ZNF804B: variants seen among roughly 807,000 people sequenced by gnomAD.
The protein encoded by ZNF804B is zinc finger protein 804B.
A neutral mutation model predicts 101.4 loss-of-function variants in ZNF804B; 80 were observed. The ratio of observed to expected loss-of-function variants is 0.79; its 90% CI spans 0.66 to 0.95. The LOEUF is 0.95. Among genes scored for constraint, ZNF804B ranks in the 40% least tolerant of loss-of-function variants. The pLI is 0.00. For missense variants in ZNF804B, 1,673 were observed against 1,561.9 expected (o/e 1.07, Z -1.20); for synonymous variants, 622 against 558.8 (o/e 1.11, Z -1.59).
intron 2 of ZNF804B, among the ~76,000 whole-genome samples, chr7:89,292,147 A>G (rs1053398086): frequency 7.0e-6 from 1 of 142,464 alleles, no homozygotes; most frequent in Non-Finnish European, 1.6e-5. Flanking sequence ...AAGAAATAAT[A>G]AAGGAACTTT....
chr7:88,970,318 C>T (rs1793513391), intron 1 of ZNF804B, among the ~76,000 whole-genome samples: 1 of 149,632 alleles, frequency 6.7e-6, no homozygotes, highest in South Asian at 2.1e-4. Flanking sequence ...ATTAAAGCCC[C>T]ACATGCATTA....
At chr7:88,934,057 G>C (rs1005184809) in intron 1 of ZNF804B, among the ~76,000 whole-genome samples, 7 of 151,910 alleles carry the variant, frequency 4.6e-5, no homozygotes, top group Non-Finnish European at 1.0e-4. Flanking sequence ...CATGGTACTG[G>C]TATAAAAATA....
chr7:88,929,188 T>G (rs982785601), intron 1 of ZNF804B, among the ~76,000 whole-genome samples: 8 of 151,874 alleles, frequency 5.3e-5, no homozygotes, highest in Non-Finnish European at 8.8e-5. Flanking sequence ...CAATAGAAAT[T>G]TAACTCCCAA....
intron 1 of ZNF804B, among the ~76,000 whole-genome samples, chr7:88,855,189 A>G (rs1791535729): frequency 6.6e-6 from 1 of 152,018 alleles, no homozygotes. Context: ...ACTGACTTCC[A>G]CAATGGTTGA....
At chr7:89,196,352 A>G (rs1451141649) in intron 1 of ZNF804B, among the ~76,000 whole-genome samples, 2 of 152,168 alleles carry the variant, frequency 1.3e-5, no homozygotes, top group East Asian at 3.8e-4. Flanking sequence ...GATCTTTGAC[A>G]AACCTGACAG....
At chr7:88,914,870 G>A (rs1303763382) in intron 1 of ZNF804B, among the ~76,000 whole-genome samples, 2 of 152,122 alleles carry the variant, frequency 1.3e-5, no homozygotes, top group African/African-American at 4.8e-5. Flanking sequence ...TGAATCTAAA[G>A]ATTTAGTAGA....
rs1244061035 is a variant in ZNF804B, at chr7:88,973,259, G to A, written c.108+213175G>A. 2.0e-5 allele frequency among the ~76,000 whole-genome samples: 3 copies of A among 150,784 alleles called. No individual in the cohort carries two copies. The Admixed American group carries it at 2.0e-4, about 10-fold the overall frequency. The stretch of plus-strand genomic sequence containing the variant: ...AAGTGATATAAAGCTATTGTCTCTG[G>A]GGAGAAAACTTGTATCCCTGTGAAT... On this transcript the variant is annotated intron_variant, in intron 1 of 3. Transcript: ENST00000333190.
At position 89,069,663 on chromosome 7, in the gene ZNF804B, G is replaced by A. The variant is rs1789505601; in HGVS notation, c.109-148492G>A. ...TCCATTTTATGATTGCATTATGTTTGGAACTGTATACAGTATGGTCTATAT... is the reference window on the plus strand; with the variant it reads ...TCCATTTTATGATTGCATTATGTTTAGAACTGTATACAGTATGGTCTATAT... On this transcript the variant is annotated intron_variant, in intron 1 of 3. Transcript: ENST00000333190. Among the ~76,000 whole-genome samples, 3 of 151,852 alleles carry A rather than the reference G, an allele frequency of 2.0e-5. No homozygotes were observed. The South Asian group carries it at 6.2e-4, about 32-fold the overall frequency.
At chr7:89,110,163 G>C (rs1041367167) in intron 1 of ZNF804B, among the ~76,000 whole-genome samples, 1 of 152,134 alleles carries the variant, frequency 6.6e-6, no homozygotes, top group Admixed American at 6.6e-5. Context: ...CTAGGTAAAG[G>C]TGAGTCACCA....
At chr7:88,913,302 C>G (rs914841868) in intron 1 of ZNF804B, among the ~76,000 whole-genome samples, 1 of 152,096 alleles carries the variant, frequency 6.6e-6, no homozygotes, top group Non-Finnish European at 1.5e-5. Context: ...ATTTAGGAAA[C>G]CTTATTACTT....
At chr7:89,198,368 A>G (rs1788585314) in intron 1 of ZNF804B, among the ~76,000 whole-genome samples, 2 of 152,096 alleles carry the variant, frequency 1.3e-5, no homozygotes, top group African/African-American at 4.8e-5. Flanking sequence ...AGTAATTTCT[A>G]ATCACCTTGC....
intron 1 of ZNF804B, among the ~76,000 whole-genome samples, chr7:89,052,546 AG>A (rs1789223174): frequency 6.6e-6 from 1 of 152,136 alleles, no homozygotes; most frequent in African/African-American, 2.4e-5. Flanking sequence ...TACACATCAA[AG>A]AAGCATTTAT....
At chr7:88,833,322 A>G (rs866141577) in intron 1 of ZNF804B, among the ~76,000 whole-genome samples, 1 of 151,950 alleles carries the variant, frequency 6.6e-6, no homozygotes. Flanking sequence ...TGAGAATTTG[A>G]GGAAATTACT....
At chr7:89,291,153 A>T (rs1001812575) in intron 2 of ZNF804B, among the ~76,000 whole-genome samples, 11 of 152,142 alleles carry the variant, frequency 7.2e-5, no homozygotes, top group African/African-American at 2.4e-4. Flanking sequence ...AAATCTTCCC[A>T]AGAAGGGCAG....
intron 1 of ZNF804B, among the ~76,000 whole-genome samples, chr7:88,841,581 C>T (rs1791292873): frequency 6.6e-6 from 1 of 152,136 alleles, no homozygotes; most frequent in Admixed American, 6.6e-5. Flanking sequence ...TGGCTGATTT[C>T]AGTTTGTGTC....
At chr7:88,991,679 TA>T (rs1417734771) in intron 1 of ZNF804B, among the ~76,000 whole-genome samples, 1 of 152,172 alleles carries the variant, frequency 6.6e-6, no homozygotes, top group East Asian at 1.9e-4. Flanking sequence ...AATAGAGCAG[TA>T]ACACTGCCAC....
intron 1 of ZNF804B, among the ~76,000 whole-genome samples, chr7:89,122,833 T>A (rs571551354): frequency 6.6e-6 from 1 of 152,316 alleles, no homozygotes; most frequent in Non-Finnish European, 1.5e-5. Flanking sequence ...CCTTGGTTTA[T>A]TTTCTCTGTC....
At chr7:88,828,208 A>G (rs1023596778) in intron 1 of ZNF804B, among the ~76,000 whole-genome samples, 4 of 152,136 alleles carry the variant, frequency 2.6e-5, no homozygotes, top group Non-Finnish European at 5.9e-5. Context: ...GGTGTAATTA[A>G]TATGCAATAA....
chr7:89,001,515 C>T (rs1435220659), intron 1 of ZNF804B, among the ~76,000 whole-genome samples: 1 of 151,780 alleles, frequency 6.6e-6, no homozygotes, highest in Non-Finnish European at 1.5e-5. Flanking sequence ...TATCTGTCAG[C>T]CTGTGTCAGA....
Sources: allele counts gnomAD v4.1 joint callset (sites outside exome capture counted in the v4.1 genomes callset), GRCh38; gene constraint gnomAD v4.1.1; transcripts MANE v1.5; gene names NCBI Gene and HGNC (gene_info 2026-07-23, HGNC 2026-07-21).